Variants in KIF3A observed in about 807,000 individuals in gnomAD.
KIF3A encodes kinesin family member 3A.
KIF3A carries 27 observed loss-of-function variants against 92.6 expected under a neutral mutation model. The ratio of observed to expected loss-of-function variants is 0.29; its 90% CI spans 0.21 to 0.40. The LOEUF (loss-of-function observed/expected upper bound fraction) is 0.40, where lower values mean the gene tolerates loss of function less well. Ranked by LOEUF, KIF3A falls within the 10% of genes least tolerant of loss-of-function variation. The pLI, the probability that KIF3A is intolerant of heterozygous loss-of-function variation, is 1.00. For missense variants in KIF3A, 581 were observed against 872.6 expected (o/e 0.67, Z 4.21); for synonymous variants, 250 against 275.4 (o/e 0.91, Z 0.92).
intron 12 of KIF3A, 39 bp from the exon 13 acceptor site, chr5:132,703,104 A>G (rs1753097096): frequency 6.6e-7 from 1 of 1,505,688 alleles, no homozygotes; most frequent in Non-Finnish European, 9.0e-7. Flanking sequence ...TTCACTGATG[A>G]TCTATTATTC....
At chr5:132,728,208 C>T (rs1028235234) in intron 2 of KIF3A, among the ~76,000 whole-genome samples, 1 of 150,720 alleles carries the variant, frequency 6.6e-6, no homozygotes, top group African/African-American at 2.4e-5. Context: ...ACTTTACATG[C>T]TTTTTTTTTA....
At chr5:132,732,024 T>A (rs887087307) in intron 2 of KIF3A, among the ~76,000 whole-genome samples, 2 of 152,020 alleles carry the variant, frequency 1.3e-5, no homozygotes, top group African/African-American at 4.8e-5. Context: ...TTCTTACAAG[T>A]AGAAAATCCT....
At position 132,726,123 on chromosome 5, in the gene KIF3A, C is replaced by T; in HGVS notation, c.510+5G>A. The T allele has an allele frequency of 1.3e-6, 2 of 1,589,770 alleles. No individual in the cohort carries two copies. The highest frequency in any genetic ancestry group is 1.7e-6 in the Non-Finnish European group (2 of 1,167,142). On this transcript the variant is annotated splice_donor_5th_base_variant and intron_variant, in intron 4 of 18. Coordinates refer to ENST00000403231, the MANE Select transcript of KIF3A (RefSeq NM_001300791.2). The stretch of plus-strand genomic sequence containing the variant: ...AAGTACTCCACCAATTTCAATTATC[C>T]TTACCTCTAACCTTTGTGTCTGATC...
chr5:132,737,371 C>G, intron 1 of KIF3A, 43 bp downstream of exon 1: 1 of 1,593,560 alleles, frequency 6.3e-7, no homozygotes, highest in South Asian at 1.1e-5. Flanking sequence ...GGCCAGGCCG[C>G]TAGGATGAGA....
At chr5:132,710,050 T>C (rs1185421229) in intron 9 of KIF3A, among the ~76,000 whole-genome samples, 2 of 152,314 alleles carry the variant, frequency 1.3e-5, no homozygotes, top group African/African-American at 2.4e-5. Flanking sequence ...CTGAAATAAA[T>C]ATTTATGGTA....
chr5:132,712,733 TAAAAG>T (rs1165240730), intron 8 of KIF3A, among the ~76,000 whole-genome samples: 6 of 152,266 alleles, frequency 3.9e-5, no homozygotes, highest in African/African-American at 9.6e-5. Flanking sequence ...AGGGTCATTA[TAAAAG>T]AAAAGTAGAC....
In KIF3A at chr5:132,695,149, A is replaced by C. The variant is rs1752789619; in HGVS notation, c.*1485T>G. The stretch of plus-strand genomic sequence containing the variant: ...CCACAAAACATATATTAAGTGGTTT[A>C]GGAGTAGCATAACTTTATTTTTATT... On this transcript the variant is annotated 3_prime_UTR_variant, in exon 19 of 19. Transcript: ENST00000403231. The C allele has an allele frequency of 6.6e-6, 1 of 152,282 alleles. No homozygotes were observed. 9.4% of individuals were successfully genotyped at this position (152,282 alleles called of 1,614,324 possible).
chr5:132,713,463 T>G (rs1727847878), intron 8 of KIF3A, among the ~76,000 whole-genome samples: 1 of 152,176 alleles, frequency 6.6e-6, no homozygotes, highest in Admixed American at 6.5e-5. Flanking sequence ...ATTTTTAAGT[T>G]TAAAAATTAT....
At chr5:132,725,101 G>A (rs1727350629) in intron 4 of KIF3A, among the ~76,000 whole-genome samples, 1 of 151,356 alleles carries the variant, frequency 6.6e-6, no homozygotes, top group Non-Finnish European at 1.5e-5. Context: ...GTACAAAAAT[G>A]GAAATGTTCT....
intron 4 of KIF3A, among the ~76,000 whole-genome samples, chr5:132,722,375 T>C (rs1279797436): frequency 6.6e-6 from 1 of 152,216 alleles, no homozygotes; most frequent in Admixed American, 6.5e-5. Flanking sequence ...ACACAGTTTA[T>C]AACAATGGAT....
chr5:132,726,571 C>A, intron 2 of KIF3A, 73 bp from the exon 3 acceptor site: 1 of 1,309,984 alleles, frequency 7.6e-7, no homozygotes, highest in South Asian at 1.3e-5. Context: ...AAAATTAATT[C>A]CTTTGACACT....
intron 4 of KIF3A, among the ~76,000 whole-genome samples, chr5:132,724,806 AATAT>A (rs1167332306): frequency 9.3e-3 from 209 of 22,476 alleles, no homozygotes; most frequent in Middle Eastern, 0.018. Flanking sequence ...AAAAAAAAAA[AATAT>A]ATATATATAT....
intron 4 of KIF3A, among the ~76,000 whole-genome samples, chr5:132,722,470 T>C (rs952070800): frequency 2.6e-5 from 4 of 152,210 alleles, no homozygotes; most frequent in African/African-American, 9.6e-5. Context: ...ACACTGTAGT[T>C]ATTGACAGGC....
chr5:132,737,354 G>GC, intron 1 of KIF3A, 60 bp downstream of exon 1: 1 of 1,559,384 alleles, frequency 6.4e-7, no homozygotes, highest in Non-Finnish European at 8.7e-7. Flanking sequence ...CAACGGCCGC[G>GC]CCCCCGGGCC....
intron 15 of KIF3A, among the ~76,000 whole-genome samples, chr5:132,701,382 C>T (rs148885840): frequency 0.029 from 4,462 of 151,384 alleles, 216 homozygotes; most frequent in African/African-American, 0.1. Context: ...GCCTGTAATC[C>T]CAGCTACTCG....
chr5:132,698,729 A>ATTT lies in KIF3A; in HGVS notation c.2132+439_2132+441dup, dbSNP rs200925076. ...CAAATTCTAATACATAAGGAATTTG[A>ATTT]TTTTTTTTTTTTTTTTTTGAGACCA... On this transcript the variant is annotated intron_variant, in intron 18 of 18. Transcript: ENST00000403231. Among the ~76,000 whole-genome samples, 112 of 132,158 alleles carry ATTT rather than the reference A, an allele frequency of 8.5e-4. 2 individuals carry two copies. Among genetic ancestry groups the ATTT allele is most frequent in the African/African-American group, 1.8e-3 (63 of 35,102 alleles). 86.7% of individuals were successfully genotyped at this position (132,158 alleles called of 152,430 possible).
At chr5:132,700,744 C>T in intron 15 of KIF3A, 44 bp from the exon 16 acceptor site, 1 of 1,234,862 alleles carries the variant, frequency 8.1e-7, no homozygotes, top group Non-Finnish European at 1.2e-6. Flanking sequence ...TATTTAATAA[C>T]ATCTAAAATA....
chr5:132,695,435 G>T lies in KIF3A; in HGVS notation c.*1199C>A, dbSNP rs1445884819. On this transcript the variant is annotated 3_prime_UTR_variant, in exon 19 of 19. Transcript: ENST00000403231. ...GATCCACGTGCCTCGGCCTCCCAAA[G>T]TGCTGGGATTACAGGCGTGAGCCAC... 1 of 152,224 alleles carries T rather than the reference G, an allele frequency of 6.6e-6. No individual in the cohort carries two copies. The highest frequency in any genetic ancestry group is 1.5e-5 in the Non-Finnish European group (1 of 68,076). 9.4% of individuals were successfully genotyped at this position (152,224 alleles called of 1,614,324 possible). A position where few individuals can be genotyped will look rare whatever the true frequency, so the allele number is the denominator to read the frequency against.
chr5:132,736,822 C>G (rs1461844580), intron 1 of KIF3A: 1 of 438,972 alleles, frequency 2.3e-6, no homozygotes, highest in Non-Finnish European at 4.6e-6. Context: ...TCTTAGAAGG[C>G]CCCATTATTA....
Sources: allele counts gnomAD v4.1 joint callset (sites outside exome capture counted in the v4.1 genomes callset), GRCh38; gene constraint gnomAD v4.1.1; transcripts MANE v1.5; gene names NCBI Gene and HGNC (gene_info 2026-07-23, HGNC 2026-07-21).